The following TANC2 variants were observed in gnomAD, a reference collection of about 807,000 sequenced individuals.
TANC2 encodes the protein tetratricopeptide repeat, ankyrin repeat and coiled-coil containing 2.
A neutral mutation model predicts 210.5 loss-of-function variants in TANC2; 26 were observed. That is an observed-to-expected ratio of 0.12 (90% CI 0.09 to 0.17). The LOEUF is 0.17. Ranked by LOEUF, TANC2 falls within the 10% of genes least tolerant of loss-of-function variation. The pLI is 1.00. For synonymous variants in TANC2, 931 were observed against 967.1 expected (o/e 0.96, Z 0.69); for missense variants, 2,129 against 2,608.9 (o/e 0.82, Z 4.01).
Position 63,412,683 on chromosome 17 carries a change from G to C in TANC2, c.3902G>C (p.Cys1301Ser). 1 of 1,527,038 alleles carries C rather than the reference G, an allele frequency of 6.5e-7. No individual in the cohort carries two copies. Among genetic ancestry groups the C allele is most frequent in the Non-Finnish European group, 8.7e-7 (1 of 1,144,828 alleles). The allele number at this position is 1,527,038 out of a possible 1,614,324, so 94.6% of individuals were successfully genotyped here. Residue 1301 changes from cysteine to serine, a missense_variant, in exon 24 of 28, where the codon TGT becomes TCT. Physicochemically the swap from Cys to Ser is moderately radical, Grantham distance 112 (BLOSUM62 -1). This residue lies in a region of TANC2 where 644 missense variants were observed against 937.5 expected (regional missense o/e 0.69). Coordinates refer to ENST00000689528, the Ensembl canonical transcript of TANC2. The surrounding 1 kb of genome is among the most constrained non-coding windows in gnomAD (Gnocchi z 4.2). ...TTGTTTTCTCCTTTCTTTGAAGGTT[G>C]TCAGACGTTACCGAGTCGCCCACGA...
At chr17:63,090,131 T>C (rs1434715330) in intron 3 of TANC2, among the ~76,000 whole-genome samples, 1 of 152,056 alleles carries the variant, frequency 6.6e-6, no homozygotes, top group African/African-American at 2.4e-5. Flanking sequence ...TGTTTTCTAA[T>C]ACTATAGTAT....
rs1317015764 is a variant in TANC2, at chr17:63,418,829, C to T, written c.4268+422C>T. Among the ~76,000 whole-genome samples the T allele has an allele frequency of 4.6e-5, 7 of 152,150 alleles. No individual in the cohort carries two copies. The highest frequency in any genetic ancestry group is 1.7e-4 in the African/African-American group (7 of 41,412). On this transcript the variant is annotated intron_variant, in intron 27 of 27. Transcript: ENST00000689528. This position sits in a 1 kb window ranked among gnomAD's most constrained non-coding sequence, Gnocchi z 4.6. Reference sequence around the variant, plus strand: ...AGGTTCCTCTTCCTTCTCCCATAGGCGTTTGAGGAATCCCGGATTAGTTAG... The same window carrying T: ...AGGTTCCTCTTCCTTCTCCCATAGGTGTTTGAGGAATCCCGGATTAGTTAG...
intron 9 of TANC2, among the ~76,000 whole-genome samples, chr17:63,279,171 G>T (rs1183156491): frequency 1.3e-5 from 2 of 152,070 alleles, no homozygotes; most frequent in African/African-American, 4.8e-5. Context: ...GTGAGGGGAA[G>T]TCCATGATGC....
intron 11 of TANC2, chr17:63,331,856 CTGTGTG>C (rs765243268): frequency 0.019 from 2,877 of 153,214 alleles, 27 homozygotes; most frequent in South Asian, 0.067. Context: ...GTGTGTGTGT[CTGTGTG>C]TGTGTGTGTG....
At chr17:63,346,682 G>C (rs916816596) in intron 12 of TANC2, among the ~76,000 whole-genome samples, 1 of 152,074 alleles carries the variant, frequency 6.6e-6, no homozygotes, top group Admixed American at 6.6e-5. Context: ...ATACAATAGC[G>C]CTACTACTTT....
intron 7 of TANC2, among the ~76,000 whole-genome samples, chr17:63,202,434 A>G (rs2041565129): frequency 6.6e-6 from 1 of 152,118 alleles, no homozygotes; most frequent in Admixed American, 6.5e-5. Context: ...CTTTATGTAG[A>G]ATAAAGAAGA....
chr17:63,005,705 T>C (rs982014822), intron 1 of TANC2, among the ~76,000 whole-genome samples: 1 of 152,156 alleles, frequency 6.6e-6, no homozygotes, highest in African/African-American at 2.4e-5. Context: ...TCATGAGGTA[T>C]GTTGGTCTGC....
At chr17:63,167,216 G>A (rs2040239069) in intron 5 of TANC2, among the ~76,000 whole-genome samples, 1 of 152,118 alleles carries the variant, frequency 6.6e-6, no homozygotes, top group African/African-American at 2.4e-5. Flanking sequence ...TTCCTCATCT[G>A]TGAAATAGAG....
chr17:63,094,598 G>GT (rs1194638324), intron 3 of TANC2, among the ~76,000 whole-genome samples: 1 of 152,136 alleles, frequency 6.6e-6, no homozygotes, highest in East Asian at 1.9e-4. Flanking sequence ...CTAGAAGGCA[G>GT]TTCTCTAGAA....
At chr17:63,099,031 G>A (rs1052966994) in intron 3 of TANC2, 144 bp from the exon 4 acceptor site, 28 of 804,546 alleles carry the variant, frequency 3.5e-5, no homozygotes, top group Non-Finnish European at 5.3e-5. Context: ...CATAGTAAGT[G>A]TAGAAATGAA....
At chr17:63,266,835 T>A (rs1480329697) in intron 8 of TANC2, among the ~76,000 whole-genome samples, 1 of 152,088 alleles carries the variant, frequency 6.6e-6, no homozygotes, top group Admixed American at 6.6e-5. Context: ...TAATATTTTC[T>A]TCCTTTTTTT....
chr17:63,269,180 A>G (rs528496991), intron 9 of TANC2, among the ~76,000 whole-genome samples: 2 of 152,284 alleles, frequency 1.3e-5, no homozygotes, highest in East Asian at 3.9e-4. Context: ...TGCAACAATT[A>G]CCATACCTCC....
intron 8 of TANC2, among the ~76,000 whole-genome samples, chr17:63,240,730 C>T (rs1279388095): frequency 6.6e-6 from 1 of 152,164 alleles, no homozygotes; most frequent in Non-Finnish European, 1.5e-5. Flanking sequence ...CAGTAATAAG[C>T]TTTGAGGCAA....
chr17:63,422,249 T>TG, exon 28 of TANC2: 1 of 294,224 alleles, frequency 3.4e-6, no homozygotes, highest in South Asian at 7.3e-5. Context: ...TCAGACACAC[T>TG]GGTCAGCTTT....
rs563156288 is a variant in TANC2 at position 63,379,995 on chromosome 17, A to C, written c.2691+169A>C. Among the ~76,000 whole-genome samples the C allele has an allele frequency of 9.2e-5, 14 of 152,300 alleles. 1 individual carries two copies. In the South Asian group the frequency reaches 2.9e-3, roughly 32 times the overall value. On this transcript the variant is annotated intron_variant, in intron 15 of 27. Transcript: ENST00000689528. ...TTCCTCCCTAGGCCTTTAGAACTAC[A>C]TTGTACATCTCCCAGTGTAACTAAC...
At chr17:63,347,144 C>T (rs2046440896) in intron 12 of TANC2, among the ~76,000 whole-genome samples, 2 of 152,104 alleles carry the variant, frequency 1.3e-5, no homozygotes, top group Admixed American at 6.5e-5. Flanking sequence ...TATTCATAGT[C>T]GTCAAAAACT....
At chr17:63,325,194 C>T (rs540359087) in intron 11 of TANC2, among the ~76,000 whole-genome samples, 1 of 152,244 alleles carries the variant, frequency 6.6e-6, no homozygotes, top group African/African-American at 2.4e-5. Flanking sequence ...CAACCAGAAA[C>T]GTCTCCAGAA....
chr17:63,279,442 T>G (rs765253805), intron 9 of TANC2, among the ~76,000 whole-genome samples: 1 of 152,092 alleles, frequency 6.6e-6, no homozygotes, highest in Non-Finnish European at 1.5e-5. Flanking sequence ...TTGTTATGTC[T>G]GAGCATATAA....
intron 2 of TANC2, among the ~76,000 whole-genome samples, chr17:63,010,347 T>C (rs1192356767): frequency 6.6e-6 from 1 of 152,204 alleles, no homozygotes; most frequent in African/African-American, 2.4e-5. Flanking sequence ...GTTTCCAAAC[T>C]GTTGCTGATT....
Sources: allele counts gnomAD v4.1 joint callset (sites outside exome capture counted in the v4.1 genomes callset), GRCh38; gene constraint gnomAD v4.1.1; regional missense constraint gnomAD v4.1.1; non-coding constraint Gnocchi (gnomAD v3.1); transcripts MANE v1.5; gene names NCBI Gene and HGNC (gene_info 2026-07-23, HGNC 2026-07-21).